ADAM9: variants seen among roughly 807,000 people sequenced by gnomAD.
ADAM9 encodes the protein ADAM metallopeptidase domain 9.
A neutral mutation model predicts 108.1 loss-of-function variants in ADAM9; 54 were observed. That is an observed-to-expected ratio of 0.50 (90% confidence interval 0.40 to 0.63). The LOEUF is 0.63. Among genes scored for constraint, ADAM9 ranks in the 20% least tolerant of loss-of-function variants. The pLI is 0.00. For synonymous variants in ADAM9, 316 were observed against 336.0 expected (o/e 0.94, Z 0.65); for missense variants, 830 against 997.7 (o/e 0.83, Z 2.26).
chr8:39,011,598 T>C (rs1836356642), intron 2 of ADAM9, 60 bp from the exon 3 acceptor site: 2 of 1,448,352 alleles, frequency 1.4e-6, no homozygotes, highest in Non-Finnish European at 1.9e-6. Flanking sequence ...ATAAATGAGA[T>C]GTTGTTGAAA....
chr8:39,070,152 C>CAAAA (rs5891052), intron 14 of ADAM9, among the ~76,000 whole-genome samples: 4 of 81,386 alleles, frequency 4.9e-5, no homozygotes, highest in African/African-American at 1.4e-4. Flanking sequence ...GACTCTGTCT[C>CAAAA]AAAAAAAAAA....
At chr8:39,064,243 G>A (rs1838388209) in intron 14 of ADAM9, among the ~76,000 whole-genome samples, 1 of 152,078 alleles carries the variant, frequency 6.6e-6, no homozygotes. Flanking sequence ...TTAACTTTTG[G>A]AAATAGAGTC....
chr8:39,066,767 T>C (rs1838492155), intron 14 of ADAM9, among the ~76,000 whole-genome samples: 2 of 152,218 alleles, frequency 1.3e-5, no homozygotes, highest in Admixed American at 1.3e-4. Flanking sequence ...TAGATCCTAT[T>C]TGTCAATTTT....
At chr8:39,085,027 A>G (rs1839143301) in intron 18 of ADAM9, among the ~76,000 whole-genome samples, 1 of 152,166 alleles carries the variant, frequency 6.6e-6, no homozygotes, top group Non-Finnish European at 1.5e-5. Context: ...TTAATTAGTC[A>G]GCATGGAAAA....
intron 13 of ADAM9, among the ~76,000 whole-genome samples, chr8:39,055,239 T>G (rs1046827162): frequency 6.6e-6 from 1 of 152,172 alleles, no homozygotes; most frequent in African/African-American, 2.4e-5. Context: ...CAATCTATAC[T>G]TCTACCAACA....
Position 39,064,846 on chromosome 8 carries a change from G to A in ADAM9, c.1592-6452G>A, listed in dbSNP as rs1001988303. On this transcript the variant is annotated intron_variant, in intron 14 of 21. Transcript: ENST00000487273. ...GGGATGGAAATCATTTTCTGTCACA[G>A]TTTTGAAGGCATTGCTTTATTGTCT... Among the ~76,000 whole-genome samples, 4 of 152,180 alleles carry A rather than the reference G, an allele frequency of 2.6e-5. No individual in the cohort carries two copies. The East Asian group carries it at 5.8e-4, about 22-fold the overall frequency.
intron 1 of ADAM9, among the ~76,000 whole-genome samples, chr8:39,002,525 A>C (rs1836032165): frequency 6.6e-6 from 1 of 150,864 alleles, no homozygotes. Flanking sequence ...GTTTCACCAT[A>C]TTGGCCAGGC....
At chr8:39,050,830 GTTTTTTTTTTTTTTT>G (rs58115667) in intron 12 of ADAM9, among the ~76,000 whole-genome samples, 1 of 85,190 alleles carries the variant, frequency 1.2e-5, no homozygotes, top group Non-Finnish European at 2.2e-5. Flanking sequence ...GCTTGGAAGT[GTTTTTTTTTTTTTTT>G]TTTTTTTTTT....
chr8:39,019,311 C>T (rs1161414834), intron 7 of ADAM9, among the ~76,000 whole-genome samples: 1 of 152,038 alleles, frequency 6.6e-6, no homozygotes, highest in Non-Finnish European at 1.5e-5. Flanking sequence ...TTTGAGATAA[C>T]CTATATTGCA....
At chr8:39,011,895 A>G (rs1836367386) in intron 3 of ADAM9, among the ~76,000 whole-genome samples, 179 bp downstream of exon 3, 1 of 152,242 alleles carries the variant, frequency 6.6e-6, no homozygotes. Flanking sequence ...TAAACAGGAA[A>G]GAAGGCAGAG....
At chr8:39,044,595 TCCTCCTACCCTCTCCAGCCCTCACTC>T (rs1837555442) in intron 12 of ADAM9, among the ~76,000 whole-genome samples, 3 of 8,658 alleles carry the variant, frequency 3.5e-4, no homozygotes, top group Admixed American at 3.2e-3. Flanking sequence ...GCCCTCACTC[TCCTCCTACCCTCTCCAGCCCTCACTC>T]TCCTCCTACC....
intron 12 of ADAM9, among the ~76,000 whole-genome samples, chr8:39,045,412 G>GTGTGTACACACACCTATATGTA (rs1564301601): frequency 7.5e-5 from 3 of 40,134 alleles, no homozygotes; most frequent in East Asian, 1.4e-3. Flanking sequence ...CTATATGTGC[G>GTGTGTACACACACCTATATGTA]CGTGTGTACA....
rs997599282 is a variant in ADAM9 at position 39,017,407 on chromosome 8, T to C, written c.599T>C (p.Leu200Pro). The C allele has an allele frequency of 3.7e-6, 6 of 1,613,838 alleles. No homozygotes were observed. The highest frequency in any genetic ancestry group is 5.1e-6 in the Non-Finnish European group (6 of 1,179,796). Reference protein sequence around the residue: ...EEEEPPSMTQLLRRRRAVLPQ... With the variant: ...EEEEPPSMTQPLRRRRAVLPQ... ...GAAGAGCCTCCCAGCATGACTCAGCTACTTCGAGTAAGGAAATAACATAAT... is the reference window on the plus strand; with the variant it reads ...GAAGAGCCTCCCAGCATGACTCAGCCACTTCGAGTAAGGAAATAACATAAT... Residue 200 changes from leucine to proline, a missense_variant, in exon 6 of 22, where the codon CTA becomes CCA. By Grantham distance (98) the Leu-to-Pro change is moderately conservative (BLOSUM62 -3). This residue lies in a region of ADAM9 where 381 missense variants were observed against 539.8 expected (regional missense o/e 0.71). Transcript: ENST00000487273.
At chr8:39,074,717 A>T (rs1211847255) in intron 15 of ADAM9, among the ~76,000 whole-genome samples, 1 of 152,042 alleles carries the variant, frequency 6.6e-6, no homozygotes, top group Non-Finnish European at 1.5e-5. Flanking sequence ...TTGTTATGTC[A>T]CTTAAGTCAC....
chr8:39,055,582 T>A lies in ADAM9; in HGVS notation c.1401T>A (p.Leu467=). The A allele has an allele frequency of 6.2e-7, 1 of 1,613,546 alleles. No homozygotes were observed. The highest frequency in any genetic ancestry group is 8.5e-7 in the Non-Finnish European group (1 of 1,179,588). The change falls in exon 14 of 22, where the codon CTT becomes CTA. Residue 467 remains leucine, a synonymous_variant. Coordinates refer to ENST00000487273, the MANE Select transcript of ADAM9 (RefSeq NM_003816.3). ...TTTGAATTCTATTTCACTAGTTCCTTCCAGGAGGTACTTTATGCCGAGGAA... is the reference window on the plus strand; with the variant it reads ...TTTGAATTCTATTTCACTAGTTCCTACCAGGAGGTACTTTATGCCGAGGAA... ...YGDCCKDCRF[L]PGGTLCRGKT... is the part of the protein sequence containing the mutation.
At chr8:39,094,097 G>A (rs1208443628) in intron 20 of ADAM9, among the ~76,000 whole-genome samples, 2 of 152,176 alleles carry the variant, frequency 1.3e-5, no homozygotes, top group African/African-American at 4.8e-5. Flanking sequence ...ATACAAATTT[G>A]TTGAGAGTTT....
chr8:39,001,815 G>A (rs1037481407), intron 1 of ADAM9, among the ~76,000 whole-genome samples: 3 of 151,806 alleles, frequency 2.0e-5, no homozygotes, highest in African/African-American at 7.3e-5. Context: ...TTACAGGCGC[G>A]TGCGCCACCA....
At chr8:39,083,160 C>T (rs562228798) in intron 18 of ADAM9, 87 bp downstream of exon 18, 2 of 927,788 alleles carry the variant, frequency 2.2e-6, no homozygotes, top group Admixed American at 1.9e-5. Context: ...TCACTTCCCA[C>T]ATCAGTTATA....
At chr8:39,067,267 A>AT (rs1170278903) in intron 14 of ADAM9, among the ~76,000 whole-genome samples, 1 of 151,694 alleles carries the variant, frequency 6.6e-6, no homozygotes. Context: ...ACTTTAAAGT[A>AT]TTTTTTTCCA....
Sources: gnomAD v4.1 joint callset for allele counts (sites outside exome capture counted in the v4.1 genomes callset) on GRCh38, gnomAD v4.1.1 for gene constraint, gnomAD v4.1.1 regional missense constraint, MANE v1.5 for transcripts, NCBI Gene and HGNC (gene_info 2026-07-23, HGNC 2026-07-21) for gene names.